The following C1QTNF7 variants were observed in gnomAD, a reference collection of about 807,000 sequenced individuals.
C1QTNF7 encodes C1q and TNF related 7.
C1QTNF7 carries 15 observed loss-of-function variants against 19.6 expected under a neutral mutation model. The ratio of observed to expected loss-of-function variants is 0.76; its 90% confidence interval spans 0.51 to 1.18. The LOEUF is 1.18. C1QTNF7 is among the 50% of genes most tolerant of loss of function. The pLI is 0.00. For missense variants in C1QTNF7, 324 were observed against 359.7 expected (o/e 0.90, Z 0.80); for synonymous variants, 142 against 137.5 (o/e 1.03, Z -0.23).
intron 2 of C1QTNF7, among the ~76,000 whole-genome samples, chr4:15,439,281 T>C (rs1712657371): frequency 6.6e-6 from 1 of 152,192 alleles, no homozygotes; most frequent in Non-Finnish European, 1.5e-5. Context: ...AAACAAACAT[T>C]ACTATAGAAA....
chr4:15,400,296 T>A (rs1278751879), intron 1 of C1QTNF7, among the ~76,000 whole-genome samples: 1 of 152,202 alleles, frequency 6.6e-6, no homozygotes, highest in East Asian at 1.9e-4. Context: ...AGGCAGCAGC[T>A]CCCACGGCTC....
At chr4:15,374,968 C>A (rs1717879466) in intron 1 of C1QTNF7, among the ~76,000 whole-genome samples, 1 of 151,504 alleles carries the variant, frequency 6.6e-6, no homozygotes, top group East Asian at 1.9e-4. Flanking sequence ...AGAGGGAAAG[C>A]GAAAGTCGTC....
At chr4:15,441,224 G>T (rs931871376) in intron 2 of C1QTNF7, among the ~76,000 whole-genome samples, 2 of 152,188 alleles carry the variant, frequency 1.3e-5, no homozygotes, top group African/African-American at 4.8e-5. Context: ...TCAGACCACA[G>T]CTCCATCATT....
Position 15,374,927 on chromosome 4 carries a change from A to G in C1QTNF7, c.13+34720A>G, listed in dbSNP as rs1717876730. On this transcript the variant is annotated intron_variant, in intron 1 of 2. Transcript: ENST00000295297. ...CGACTGGGGCTTAGTCAATAACACA[A>G]CTCCTCTGGGGGTTGCTTCTGCTGA... 2.0e-5 allele frequency among the ~76,000 whole-genome samples: 3 copies of G among 150,604 alleles called. No individual in the cohort carries two copies. The South Asian group carries it at 6.3e-4, about 32-fold the overall frequency.
chr4:15,441,780 G>C (rs545165036), intron 2 of C1QTNF7, among the ~76,000 whole-genome samples: 5 of 152,272 alleles, frequency 3.3e-5, no homozygotes, highest in Non-Finnish European at 7.4e-5. Flanking sequence ...CCAGCACTTT[G>C]GGAGGCTGAG....
At chr4:15,367,622 A>G (rs1205434089) in intron 1 of C1QTNF7, among the ~76,000 whole-genome samples, 2 of 152,136 alleles carry the variant, frequency 1.3e-5, no homozygotes, top group Non-Finnish European at 2.9e-5. Flanking sequence ...TGTCACCTAC[A>G]AGAAAAGCAG....
intron 1 of C1QTNF7, chr4:15,419,840 A>T (rs1437380583): frequency 6.6e-6 from 1 of 152,070 alleles, no homozygotes; most frequent in Non-Finnish European, 1.5e-5. Flanking sequence ...CACACGGCCA[A>T]ACAAAAACCA....
Position 15,442,854 on chromosome 4 carries a change from G to A in C1QTNF7, c.*55G>A. ...CTGATTGAATCTGGGGTTCCAGAAG[G>A]TGGAACAAGCAGGAATGGGATCCAA... On this transcript the variant is annotated 3_prime_UTR_variant, in exon 3 of 3. Transcript: ENST00000444304. The A allele has an allele frequency of 1.3e-6, 2 of 1,493,056 alleles. No individual in the cohort carries two copies. The highest frequency in any genetic ancestry group is 2.7e-5 in the South Asian group (2 of 74,432). The allele number at this position is 1,493,056 out of a possible 1,614,324, so 92.5% of individuals were successfully genotyped here.
chr4:15,394,659 TA>T (rs1331169193), intron 1 of C1QTNF7, among the ~76,000 whole-genome samples: 1 of 135,318 alleles, frequency 7.4e-6, no homozygotes, highest in Non-Finnish European at 1.6e-5. Flanking sequence ...TTTTTGGTTT[TA>T]CGACAAACAT....
At chr4:15,417,594 T>C (rs944438362) in intron 1 of C1QTNF7, among the ~76,000 whole-genome samples, 1 of 152,136 alleles carries the variant, frequency 6.6e-6, no homozygotes, top group Admixed American at 6.5e-5. Context: ...CTGAGCAGCA[T>C]AGTGAGAACC....
At chr4:15,349,726 T>G (rs1480004620) in intron 1 of C1QTNF7, among the ~76,000 whole-genome samples, 2 of 152,140 alleles carry the variant, frequency 1.3e-5, no homozygotes, top group African/African-American at 4.8e-5. Flanking sequence ...ACCCGGGTCT[T>G]GCCTTGGAAC....
chr4:15,352,127 C>G (rs1201746637), intron 1 of C1QTNF7, among the ~76,000 whole-genome samples: 1 of 152,154 alleles, frequency 6.6e-6, no homozygotes, highest in Non-Finnish European at 1.5e-5. Context: ...ATCAGAGAAT[C>G]TTGACCAAAT....
chr4:15,426,386 C>T (rs116390543), upstream of C1QTNF7, among the ~76,000 whole-genome samples: 1,111 of 152,202 alleles, frequency 7.3e-3, 6 homozygotes, highest in South Asian at 0.016. Context: ...CTCTCAGAGA[C>T]ATTTTCAAAG....
chr4:15,401,243 G>A (rs963443455), intron 1 of C1QTNF7, among the ~76,000 whole-genome samples: 1 of 152,088 alleles, frequency 6.6e-6, no homozygotes, highest in Non-Finnish European at 1.5e-5. Context: ...CATGTCTGGG[G>A]TGGAAAGGAA....
At chr4:15,361,117 T>C (rs1202525145) in intron 1 of C1QTNF7, 1 of 152,200 alleles carries the variant, frequency 6.6e-6, no homozygotes, top group East Asian at 1.9e-4. Flanking sequence ...AATTTCAAGA[T>C]AAAGTCCACA....
intron 1 of C1QTNF7, among the ~76,000 whole-genome samples, chr4:15,384,914 G>T (rs527889912): frequency 6.6e-6 from 1 of 152,156 alleles, no homozygotes; most frequent in Non-Finnish European, 1.5e-5. Flanking sequence ...CACCATAGCA[G>T]GGAGAAGCAA....
chr4:15,379,357 G>A (rs1204481860), intron 1 of C1QTNF7, among the ~76,000 whole-genome samples: 2 of 152,014 alleles, frequency 1.3e-5, no homozygotes, highest in Admixed American at 1.3e-4. Context: ...CGACAGAGAA[G>A]GGGAAAAAAG....
chr4:15,397,741 G>A (rs142361595), intron 1 of C1QTNF7, among the ~76,000 whole-genome samples: 58 of 152,328 alleles, frequency 3.8e-4, no homozygotes, highest in African/African-American at 1.3e-3. Context: ...ATAAAAAAGA[G>A]CAACATTCTA....
Position 15,354,518 on chromosome 4 carries a change from C to T in C1QTNF7, c.13+14311C>T, listed in dbSNP as rs543134601. ...GGGTCATGGCTGTTCTGAGGCTCTG[C>T]GTGTCATTTGAGCTCAGCTGCGCTC... is the stretch of plus-strand genomic sequence containing the variant. On this transcript the variant is annotated intron_variant, in intron 1 of 2. Coordinates refer to the C1QTNF7 transcript ENST00000295297. Among the ~76,000 whole-genome samples the T allele has an allele frequency of 4.0e-4, 61 of 152,108 alleles. 1 individual carries two copies. Among genetic ancestry groups the T allele is most frequent in the African/African-American group, 1.3e-3 (56 of 41,516 alleles).
Sources: allele counts gnomAD v4.1 joint callset (sites outside exome capture counted in the v4.1 genomes callset), GRCh38; gene constraint gnomAD v4.1.1; transcripts MANE v1.5; gene names NCBI Gene and HGNC (gene_info 2026-07-23, HGNC 2026-07-21).